Variants in AP1S3 observed in about 807,000 individuals in gnomAD.
The protein encoded by AP1S3 is adaptor related protein complex 1 subunit sigma 3.
AP1S3 carries 10 observed loss-of-function variants against 20.9 expected under a neutral mutation model. The observed-to-expected ratio is 0.48, with a 90% confidence interval of 0.29 to 0.81. The LOEUF (loss-of-function observed/expected upper bound fraction) is 0.81. Among genes scored for constraint, AP1S3 ranks in the 30% least tolerant of loss-of-function variants. The pLI is 0.08. For missense variants in AP1S3, 154 were observed against 183.8 expected (o/e 0.84, Z 0.94); for synonymous variants, 41 against 61.5 (o/e 0.67, Z 1.56).
At chr2:223,779,707 C>T (rs1690877076) in intron 1 of AP1S3, among the ~76,000 whole-genome samples, 1 of 152,078 alleles carries the variant, frequency 6.6e-6, no homozygotes, top group East Asian at 1.9e-4. Context: ...GTGGCTCACG[C>T]CTGTAATCCC....
chr2:223,825,964 C>T (rs542902698), intron 1 of AP1S3, among the ~76,000 whole-genome samples: 9 of 151,970 alleles, frequency 5.9e-5, no homozygotes, highest in African/African-American at 1.7e-4. Flanking sequence ...TGCAGTGAGC[C>T]GAGATTGTGC....
At chr2:223,806,575 C>T (rs2106114857) in intron 1 of AP1S3, among the ~76,000 whole-genome samples, 1 of 151,922 alleles carries the variant, frequency 6.6e-6, no homozygotes, top group East Asian at 1.9e-4. Context: ...TGAGCCACCG[C>T]ACCTGGCCAA....
At chr2:223,790,627 T>C (rs1195896063) in intron 1 of AP1S3, among the ~76,000 whole-genome samples, 2 of 152,146 alleles carry the variant, frequency 1.3e-5, no homozygotes, top group East Asian at 1.9e-4. Context: ...GGTAGAGTAA[T>C]ACACTTTAAT....
At chr2:223,769,900 T>A (rs925716878) in intron 3 of AP1S3, among the ~76,000 whole-genome samples, 4 of 151,768 alleles carry the variant, frequency 2.6e-5, no homozygotes, top group Admixed American at 6.6e-5. Flanking sequence ...GCCCGCTACC[T>A]CGCCCGGCTA....
intron 1 of AP1S3, among the ~76,000 whole-genome samples, chr2:223,810,308 T>C (rs1421995706): frequency 6.6e-6 from 1 of 152,058 alleles, no homozygotes; most frequent in East Asian, 1.9e-4. Flanking sequence ...CTCTCTCTTT[T>C]GTAATTTTCT....
intron 1 of AP1S3, among the ~76,000 whole-genome samples, chr2:223,836,632 C>T (rs950297718): frequency 6.6e-6 from 1 of 152,106 alleles, no homozygotes; most frequent in African/African-American, 2.4e-5. Context: ...CCCCGTTACT[C>T]GGGAGGCTGA....
intron 1 of AP1S3, among the ~76,000 whole-genome samples, chr2:223,798,682 C>G (rs1691401093): frequency 6.6e-6 from 1 of 152,182 alleles, no homozygotes; most frequent in South Asian, 2.1e-4. Flanking sequence ...ACTGAAAGGA[C>G]AGAATAATCC....
chr2:223,812,303 C>G (rs1444696929), intron 1 of AP1S3, among the ~76,000 whole-genome samples: 1 of 152,216 alleles, frequency 6.6e-6, no homozygotes, highest in Non-Finnish European at 1.5e-5. Flanking sequence ...CTCACTGCAA[C>G]CTCCACCTCC....
At chr2:223,782,274 A>G (rs1227337414) in intron 1 of AP1S3, among the ~76,000 whole-genome samples, 2 of 152,140 alleles carry the variant, frequency 1.3e-5, no homozygotes, top group Admixed American at 6.5e-5. Flanking sequence ...CAGCCTCCCA[A>G]AGTGCTGGGA....
In AP1S3 at chr2:223,813,637, T is replaced by C. The variant is rs114100519; in HGVS notation, c.3+23811A>G. Among the ~76,000 whole-genome samples the C allele has an allele frequency of 4.2e-3, 639 of 152,312 alleles. 5 individuals are homozygous for C. Among genetic ancestry groups the C allele is most frequent in the African/African-American group, 0.014 (576 of 41,564 alleles). On this transcript the variant is annotated intron_variant, in intron 1 of 4. Coordinates refer to ENST00000396654, the MANE Select transcript of AP1S3 (RefSeq NM_001039569.2). Reference sequence around the variant, plus strand: ...CAACTATAGCCCTGTTTGGAGAACATAGCTGAGCTAAATACACTCTGACAC... The same window carrying C: ...CAACTATAGCCCTGTTTGGAGAACACAGCTGAGCTAAATACACTCTGACAC...
chr2:223,809,598 C>T (rs928756205), intron 1 of AP1S3, among the ~76,000 whole-genome samples: 3 of 151,538 alleles, frequency 2.0e-5, no homozygotes, highest in African/African-American at 4.8e-5. Flanking sequence ...GAGTCGAGAT[C>T]GCGCCACTGC....
intron 1 of AP1S3, among the ~76,000 whole-genome samples, chr2:223,810,279 C>T (rs1559141660): frequency 6.6e-6 from 1 of 151,982 alleles, no homozygotes; most frequent in Non-Finnish European, 1.5e-5. Flanking sequence ...TAAAAAGACA[C>T]CTGATCCCAC....
At chr2:223,789,835 C>CAAAAAAAAAAAAAAAGGAAAAAAAAA (rs1691171033) in intron 1 of AP1S3, among the ~76,000 whole-genome samples, 1 of 120,832 alleles carries the variant, frequency 8.3e-6, no homozygotes, top group Non-Finnish European at 1.7e-5. Flanking sequence ...AAGACTCTAT[C>CAAAAAAAAAAAAAAAGGAAAAAAAAA]AAAAAAAAAA....
chr2:223,779,522 A>G (rs1690872366), intron 1 of AP1S3, among the ~76,000 whole-genome samples: 1 of 152,236 alleles, frequency 6.6e-6, no homozygotes, highest in Non-Finnish European at 1.5e-5. Context: ...CCACGGTATC[A>G]GAAGATCAGG....
intron 1 of AP1S3, among the ~76,000 whole-genome samples, chr2:223,829,188 G>A (rs1308209633): frequency 1.3e-5 from 2 of 152,180 alleles, no homozygotes; most frequent in African/African-American, 2.4e-5. Context: ...AGCCAGTCCT[G>A]CCTGTCATGG....
rs1425604326 is a variant in AP1S3 at position 223,757,597 on chromosome 2, T to C, written c.*1118A>G. On this transcript the variant is annotated 3_prime_UTR_variant, in exon 5 of 5. Transcript: ENST00000396654. ...GCCACCACTCCCGGCCTACAAGCTA[T>C]TTCCCTGTAATATGTCTGATCACTG... 11 of 985,174 alleles carry C rather than the reference T, an allele frequency of 1.1e-5. No homozygotes were observed. The highest frequency in any genetic ancestry group is 1.3e-5 in the Non-Finnish European group (11 of 829,930). 61.0% of individuals were successfully genotyped at this position (985,174 alleles called of 1,614,324 possible).
intron 1 of AP1S3, among the ~76,000 whole-genome samples, chr2:223,786,127 A>T (rs186463595): frequency 5.2e-4 from 79 of 152,300 alleles, no homozygotes; most frequent in Non-Finnish European, 1.2e-4. Context: ...GCTCTAAAAA[A>T]ATTAAGTCTT....
chr2:223,819,675 C>T lies in AP1S3; in HGVS notation c.3+17773G>A, dbSNP rs74816163. 6.4e-3 allele frequency among the ~76,000 whole-genome samples: 971 copies of T among 151,570 alleles called. 11 individuals are homozygous for T. Among genetic ancestry groups the T allele is most frequent in the African/African-American group, 0.022 (915 of 41,382 alleles). On this transcript the variant is annotated intron_variant, in intron 1 of 4. Coordinates refer to ENST00000396654, the MANE Select transcript of AP1S3 (RefSeq NM_001039569.2). ...TTAACCAAAAAAAGAATTTTGCATC[C>T]TTTTTGGCCATTTTTGCTCAAGGTC...
intron 1 of AP1S3, among the ~76,000 whole-genome samples, chr2:223,783,209 C>T (rs1690990256): frequency 6.6e-6 from 1 of 152,192 alleles, no homozygotes; most frequent in African/African-American, 2.4e-5. Context: ...GAGACACCAA[C>T]TTCAGCAACA....
Sources: allele counts gnomAD v4.1 joint callset (sites outside exome capture counted in the v4.1 genomes callset), GRCh38; gene constraint gnomAD v4.1.1; transcripts MANE v1.5; gene names NCBI Gene and HGNC (gene_info 2026-07-23, HGNC 2026-07-21).